MRPL20: variants seen among roughly 807,000 people sequenced by gnomAD.
The protein encoded by MRPL20 is large ribosomal subunit protein bL20m.
In MRPL20, 21 loss-of-function variants were observed where a neutral mutation model predicts 20.0. The observed-to-expected ratio is 1.05, with a 90% CI of 0.74 to 1.51. MRPL20 has a LOEUF of 1.51. MRPL20 is among the 40% of genes most tolerant of loss of function. MRPL20 has a pLI of 0.00. For missense variants in MRPL20, 252 were observed against 185.6 expected (o/e 1.36, Z -2.08); for synonymous variants, 104 against 73.0 (o/e 1.43, Z -2.17).
At chr1:1,404,427 T>C (rs537039433) in intron 3 of MRPL20, among the ~76,000 whole-genome samples, 53 of 151,758 alleles carry the variant, frequency 3.5e-4, no homozygotes, top group South Asian at 1.5e-3. Flanking sequence ...GTGCTGGGAT[T>C]ACAGGTGTGA....
chr1:1,403,250 T>A (rs879371584), intron 3 of MRPL20, among the ~76,000 whole-genome samples: 1 of 151,998 alleles, frequency 6.6e-6, no homozygotes, highest in Non-Finnish European at 1.5e-5. Flanking sequence ...CCTTTCTTTC[T>A]TTCTTTTTTT....
chr1:1,402,551 ACTGAG>A (rs1483420072), intron 3 of MRPL20: 1 of 1,136,330 alleles, frequency 8.8e-7, no homozygotes, highest in African/African-American at 1.6e-5. Flanking sequence ...CACCACCCTG[ACTGAG>A]CTGACTGCTG....
intron 2 of MRPL20, 39 bp from the exon 3 acceptor site, chr1:1,405,925 C>G: frequency 6.3e-7 from 1 of 1,589,652 alleles, no homozygotes; most frequent in Non-Finnish European, 8.6e-7. Flanking sequence ...AAAATGACTT[C>G]TGGATGTTAT....
At chr1:1,402,367 A>T in intron 3 of MRPL20, 111 bp from the exon 4 acceptor site, 3 of 1,440,362 alleles carry the variant, frequency 2.1e-6, no homozygotes, top group Non-Finnish European at 2.7e-6. Context: ...GCCTGGGGGG[A>T]GGGAAGGCCT....
At chr1:1,403,544 G>A (rs984460660) in intron 3 of MRPL20, among the ~76,000 whole-genome samples, 1 of 152,022 alleles carries the variant, frequency 6.6e-6, no homozygotes, top group African/African-American at 2.4e-5. Flanking sequence ...GCCCGGCCAA[G>A]TATGTCTCCT....
chr1:1,402,269 T>C lies in MRPL20; in HGVS notation c.277-13A>G, dbSNP rs778680924. On this transcript the variant is annotated splice_polypyrimidine_tract_variant and intron_variant, in intron 3 of 3. Coordinates refer to ENST00000344843, the MANE Select transcript of MRPL20 (RefSeq NM_017971.4). The stretch of plus-strand genomic sequence containing the variant: ...GCTCCACCTGGCACTGAAAAAAGAA[T>C]GAATCAGAACCTGCTGTCAGTGTGA... 6.2e-7 allele frequency: 1 copy of C among 1,602,628 alleles called. No individual in the cohort carries two copies. Among genetic ancestry groups the C allele is most frequent in the Non-Finnish European group, 8.5e-7 (1 of 1,174,696 alleles).
Position 1,401,923 on chromosome 1 carries a change from G to A in MRPL20, c.*160C>T. On this transcript the variant is annotated 3_prime_UTR_variant, in exon 4 of 4. Coordinates refer to ENST00000344843, the MANE Select transcript of MRPL20 (RefSeq NM_017971.4). ...ACTCTAAAAACTGAAGAGTGTTTGA[G>A]TTTCATTCACACAAAACATGGACAT... is the stretch of plus-strand genomic sequence containing the variant. 1 of 858,010 alleles carries A rather than the reference G, an allele frequency of 1.2e-6. No individual in the cohort carries two copies. Among genetic ancestry groups the A allele is most frequent in the East Asian group, 2.6e-5 (1 of 38,880 alleles). The allele number at this position is 858,010 out of a possible 1,614,324, so 53.1% of individuals were successfully genotyped here. A position where few individuals can be genotyped will look rare whatever the true frequency, so the allele number is the denominator to read the frequency against.
chr1:1,403,308 A>G (rs888287647), intron 3 of MRPL20, among the ~76,000 whole-genome samples: 3 of 150,694 alleles, frequency 2.0e-5, no homozygotes, highest in Non-Finnish European at 2.9e-5. Context: ...CAGTGGTGCG[A>G]TCTCAGCTCA....
Position 1,402,170 on chromosome 1 carries a change from A to G in MRPL20, c.363T>C (p.Ser121=). 1 of 1,613,948 alleles carries G rather than the reference A, an allele frequency of 6.2e-7. No individual in the cohort carries two copies. The highest frequency in any genetic ancestry group is 1.1e-5 in the South Asian group (1 of 91,060). The change falls in exon 4 of 4, where the codon AGT becomes AGC. Residue 121 remains serine, a synonymous_variant. Transcript: ENST00000344843. Reference sequence around the variant, plus strand: ...CAGCAAATCCTTCGTGTCGCCTCCTACTGGCCAAGGCAGCCAAAGATTTGA... The same window carrying G: ...CAGCAAATCCTTCGTGTCGCCTCCTGCTGGCCAAGGCAGCCAAAGATTTGA... The part of the protein sequence containing the change: ...KTFKSLAALA[S]RRRHEGFAAA...
rs1645378366 is a variant in MRPL20 at position 1,405,811 on chromosome 1, TAACTA to T, written c.269_273del (p.Leu90Ter). On this transcript the variant is annotated frameshift_variant, in exon 3 of 4. Transcript: ENST00000344843. LOFTEE classifies it high-confidence loss of function. The stretch of plus-strand genomic sequence containing the variant: ...GGGACCCACATACTCACCCATACCT[TAACTA>T]AATTCCCAATGAGCGCTGGATACTT... 3 of 1,614,002 alleles carry T rather than the reference TAACTA, an allele frequency of 1.9e-6. No homozygotes were observed. Among genetic ancestry groups the T allele is most frequent in the Admixed American group, 1.7e-5 (1 of 60,004 alleles).
rs1645380676 is a variant in MRPL20 at position 1,406,013 on chromosome 1, C to T, written c.199-127G>A. The T allele has an allele frequency of 3.0e-6, 4 of 1,350,306 alleles. No individual in the cohort carries two copies. In the South Asian group the frequency reaches 5.8e-5, roughly 20 times the overall value. The allele number at this position is 1,350,306 out of a possible 1,614,324, so 83.6% of individuals were successfully genotyped here. A position where few individuals can be genotyped will look rare whatever the true frequency, so the allele number is the denominator to read the frequency against. ...GCAAAATCAGTGAGCTATGATGGTG[C>T]CATCACTCTGGCCTAAGCGAAATCA... is the stretch of plus-strand genomic sequence containing the variant. On this transcript the variant is annotated intron_variant, in intron 2 of 3. Transcript: ENST00000344843.
At chr1:1,406,053 A>T in intron 2 of MRPL20, 167 bp from the exon 3 acceptor site, 1 of 1,065,156 alleles carries the variant, frequency 9.4e-7, no homozygotes. Context: ...CCTGTTTCAA[A>T]ATTAAAAACA....
intron 3 of MRPL20, 157 bp downstream of exon 3, chr1:1,405,652 C>T (rs771789868): frequency 1.8e-5 from 24 of 1,298,378 alleles, no homozygotes; most frequent in Middle Eastern, 1.9e-4. Flanking sequence ...ATGGACACCC[C>T]ATCAGCATAG....
At chr1:1,403,392 C>G (rs555463347) in intron 3 of MRPL20, among the ~76,000 whole-genome samples, 1 of 151,510 alleles carries the variant, frequency 6.6e-6, no homozygotes, top group Non-Finnish European at 1.5e-5. Context: ...TACAGGTGCC[C>G]GCCACCGCAC....
At chr1:1,404,043 T>A (rs573890503) in intron 3 of MRPL20, among the ~76,000 whole-genome samples, 1 of 151,506 alleles carries the variant, frequency 6.6e-6, no homozygotes, top group African/African-American at 2.4e-5. Context: ...TTTACCACAT[T>A]GCCCAGGCTG....
intron 3 of MRPL20, among the ~76,000 whole-genome samples, chr1:1,404,889 C>G (rs560768496): frequency 6.6e-6 from 1 of 152,196 alleles, no homozygotes; most frequent in Non-Finnish European, 1.5e-5. Context: ...CTGCCAGAAC[C>G]CCACACCAAG....
At chr1:1,405,929 A>ACGCCTGACTGGTTTTGG in intron 2 of MRPL20, 43 bp from the exon 3 acceptor site, 1 of 1,587,038 alleles carries the variant, frequency 6.3e-7, no homozygotes, top group Non-Finnish European at 8.6e-7. Flanking sequence ...TGACTTCTGG[A>ACGCCTGACTGGTTTTGG]TGTTATGTCC....
intron 1 of MRPL20, 22 bp from the exon 2 acceptor site, chr1:1,407,041 C>A: frequency 3.1e-6 from 5 of 1,612,012 alleles, no homozygotes; most frequent in Non-Finnish European, 4.2e-6. Flanking sequence ...AACGAGAAAC[C>A]AGGGTTGTCA....
At position 1,406,894 on chromosome 1, in the gene MRPL20, C is replaced by T. The variant is rs936551278; in HGVS notation, c.198+15G>A. 1.9e-6 allele frequency: 3 copies of T among 1,606,252 alleles called. No homozygotes were observed. Among genetic ancestry groups the T allele is most frequent in the Admixed American group, 1.7e-5 (1 of 59,970 alleles). ...CGAGTGCGCTGGCCGGCGGGTGTCCCGGGTCCACGCTTACGGTCCTCATGT... is the reference window on the plus strand; with the variant it reads ...CGAGTGCGCTGGCCGGCGGGTGTCCTGGGTCCACGCTTACGGTCCTCATGT... On this transcript the variant is annotated intron_variant, in intron 2 of 3. Transcript: ENST00000344843.
Sources: allele counts gnomAD v4.1 joint callset (sites outside exome capture counted in the v4.1 genomes callset), GRCh38; gene constraint gnomAD v4.1.1; transcripts MANE v1.5; gene names NCBI Gene and HGNC (gene_info 2026-07-23, HGNC 2026-07-21).